The following L3MBTL4 variants were observed in gnomAD, a reference collection of about 807,000 sequenced individuals.
L3MBTL4 encodes lethal(3)malignant brain tumor-like protein 4.
L3MBTL4 carries 70 observed loss-of-function variants against 84.5 expected under a neutral mutation model. The ratio of observed to expected loss-of-function variants is 0.83; its 90% CI spans 0.68 to 1.01. L3MBTL4 has a LOEUF of 1.01. Among genes scored for constraint, L3MBTL4 ranks in the 50% least tolerant of loss-of-function variants. The probability of loss-of-function intolerance (pLI) is 0.00; values close to 1 mark genes in which losing one functional copy is unlikely to be tolerated. For synonymous variants in L3MBTL4, 274 were observed against 259.8 expected, an observed-to-expected ratio of 1.05 and a Z score of -0.52; for missense variants, 715 against 754.8, an observed-to-expected ratio of 0.95 and a Z score of 0.62.
intron 13 of L3MBTL4, among the ~76,000 whole-genome samples, chr18:6,149,926 C>T (rs958590131): frequency 2.4e-4 from 36 of 152,098 alleles, no homozygotes; most frequent in Admixed American, 3.3e-4. Context: ...AGCAAATTGA[C>T]ACTAAACTGG....
At chr18:6,301,260 G>A (rs534414459) in intron 4 of L3MBTL4, among the ~76,000 whole-genome samples, 15 of 152,072 alleles carry the variant, frequency 9.9e-5, no homozygotes, top group East Asian at 1.9e-4. Flanking sequence ...CTTCCTTTCC[G>A]TAGATAATAA....
chr18:6,133,495 C>A (rs1360279108), intron 14 of L3MBTL4, among the ~76,000 whole-genome samples: 1 of 152,140 alleles, frequency 6.6e-6, no homozygotes, highest in East Asian at 1.9e-4. Context: ...TCATGGGCTT[C>A]TCCCCTCCTC....
At chr18:6,002,091 G>A (rs970950400) in intron 16 of L3MBTL4, among the ~76,000 whole-genome samples, 14 of 152,152 alleles carry the variant, frequency 9.2e-5, no homozygotes, top group African/African-American at 1.2e-4. Context: ...GAAAGTTATC[G>A]AAGAATTTCT....
At chr18:5,981,974 C>CTGTGTGTG (rs374606293) in intron 16 of L3MBTL4, among the ~76,000 whole-genome samples, 2,981 of 137,384 alleles carry the variant, frequency 0.022, 93 homozygotes, top group African/African-American at 0.059. Context: ...TTTCAATATT[C>CTGTGTGTG]TGTGTGTGTG....
chr18:6,143,342 C>T (rs1598891774), intron 13 of L3MBTL4, among the ~76,000 whole-genome samples: 1 of 152,062 alleles, frequency 6.6e-6, no homozygotes, highest in East Asian at 1.9e-4. Context: ...TTAAGAACTG[C>T]AGCAAAAGAC....
At chr18:6,091,503 C>T (rs1036547325) in intron 15 of L3MBTL4, among the ~76,000 whole-genome samples, 5 of 152,312 alleles carry the variant, frequency 3.3e-5, no homozygotes, top group Admixed American at 2.0e-4. Flanking sequence ...AACAGGACAA[C>T]CGGTGATTTG....
chr18:6,145,934 T>G (rs1449950949), intron 13 of L3MBTL4, among the ~76,000 whole-genome samples: 1 of 152,144 alleles, frequency 6.6e-6, no homozygotes, highest in East Asian at 1.9e-4. Flanking sequence ...GTTAGGCAGA[T>G]ACATGAAGTG....
intron 1 of L3MBTL4, chr18:6,397,879 G>A (rs1324839129): frequency 6.7e-6 from 1 of 150,292 alleles, no homozygotes; most frequent in Non-Finnish European, 1.5e-5. Flanking sequence ...AAAATAAAAA[G>A]ATAAAAAATT....
At chr18:6,190,429 T>C (rs867104423) in intron 12 of L3MBTL4, among the ~76,000 whole-genome samples, 14 of 152,338 alleles carry the variant, frequency 9.2e-5, no homozygotes, top group Middle Eastern at 6.8e-3. Flanking sequence ...TATACGTAAA[T>C]TATCCCTTCC....
intron 5 of L3MBTL4, among the ~76,000 whole-genome samples, chr18:6,251,015 C>A (rs1599341568): frequency 6.6e-6 from 1 of 152,102 alleles, no homozygotes; most frequent in Non-Finnish European, 1.5e-5. Context: ...GAATTTAACT[C>A]TTTGACAAAA....
intron 10 of L3MBTL4, among the ~76,000 whole-genome samples, chr18:6,224,082 T>C (rs981029996): frequency 3.3e-5 from 5 of 151,814 alleles, no homozygotes; most frequent in Non-Finnish European, 5.9e-5. Flanking sequence ...AATTATAAAA[T>C]AGTACGAATA....
intron 12 of L3MBTL4, among the ~76,000 whole-genome samples, chr18:6,209,214 A>G (rs553826444): frequency 1.3e-5 from 2 of 152,298 alleles, no homozygotes; most frequent in African/African-American, 4.8e-5. Context: ...ATGTGAAGCC[A>G]AAAATGTGAT....
chr18:6,047,338 A>G (rs1488720736), intron 16 of L3MBTL4, among the ~76,000 whole-genome samples: 2 of 152,178 alleles, frequency 1.3e-5, no homozygotes, highest in Non-Finnish European at 2.9e-5. Flanking sequence ...AGCTAGTACC[A>G]ATCCTACAGA....
chr18:6,231,683 C>T (rs2047005797), intron 10 of L3MBTL4, among the ~76,000 whole-genome samples: 1 of 152,030 alleles, frequency 6.6e-6, no homozygotes, highest in South Asian at 2.1e-4. Flanking sequence ...GAGGTGTTTT[C>T]TTAATTTCCC....
Position 6,193,226 on chromosome 18 carries a change from C to T in L3MBTL4, c.981+19923G>A, listed in dbSNP as rs964475214. On this transcript the variant is annotated intron_variant, in intron 12 of 18. Coordinates refer to ENST00000317931, the MANE Select transcript of L3MBTL4 (RefSeq NM_001330559.2). ...GCTTGAAGGATCGCCTGCATGTGTA[C>T]TAAAACCACCAAGAATGAAAATCAG... 2.0e-5 allele frequency among the ~76,000 whole-genome samples: 3 copies of T among 151,984 alleles called. No individual in the cohort carries two copies. In the East Asian group the frequency reaches 5.9e-4, roughly 30 times the overall value.
intron 16 of L3MBTL4, among the ~76,000 whole-genome samples, chr18:6,051,389 A>C (rs148893749): frequency 2.8e-4 from 42 of 152,100 alleles, no homozygotes; most frequent in African/African-American, 8.9e-4. Flanking sequence ...AAATACAAAA[A>C]CTAGCCAGGC....
intron 16 of L3MBTL4, among the ~76,000 whole-genome samples, chr18:6,052,871 C>T (rs1236848522): frequency 2.0e-5 from 3 of 152,184 alleles, no homozygotes; most frequent in East Asian, 1.9e-4. Flanking sequence ...TGGACGAAAT[C>T]GTGCTATACA....
At chr18:6,067,538 C>T (rs2057441639) in intron 16 of L3MBTL4, among the ~76,000 whole-genome samples, 1 of 152,058 alleles carries the variant, frequency 6.6e-6, no homozygotes, top group Non-Finnish European at 1.5e-5. Flanking sequence ...AATTCTAGAG[C>T]CTGATCTTTG....
chr18:6,056,425 G>A (rs747063990), intron 16 of L3MBTL4, among the ~76,000 whole-genome samples: 7 of 152,186 alleles, frequency 4.6e-5, no homozygotes, highest in Non-Finnish European at 4.4e-5. Flanking sequence ...TAGGCAGGAG[G>A]CACTGGGCAG....
Sources: gnomAD v4.1 joint callset for allele counts (sites outside exome capture counted in the v4.1 genomes callset) on GRCh38, gnomAD v4.1.1 for gene constraint, MANE v1.5 for transcripts, NCBI Gene and HGNC (gene_info 2026-07-23, HGNC 2026-07-21) for gene names.